TUFT1: variants seen among roughly 807,000 people sequenced by gnomAD.
The protein encoded by TUFT1 is tuftelin.
A neutral mutation model predicts 57.8 loss-of-function variants in TUFT1; 43 were observed. The observed-to-expected ratio is 0.74, with a 90% CI of 0.58 to 0.96. The LOEUF (loss-of-function observed/expected upper bound fraction) is 0.96. TUFT1 is among the 40% of genes least tolerant of loss of function. TUFT1 has a pLI of 0.00. For synonymous variants in TUFT1, 166 were observed against 176.7 expected, an observed-to-expected ratio of 0.94 and a Z score of 0.48; for missense variants, 459 against 489.0, an observed-to-expected ratio of 0.94 and a Z score of 0.58.
intron 1 of TUFT1, chr1:151,540,638 G>C (rs1370065176): frequency 3.5e-5 from 21 of 593,744 alleles, no homozygotes; most frequent in Non-Finnish European, 6.2e-5. Flanking sequence ...AGGGTTCGGG[G>C]CGTCCCTGCC....
At chr1:151,552,520 A>G (rs1324392852) in intron 1 of TUFT1, among the ~76,000 whole-genome samples, 1 of 152,072 alleles carries the variant, frequency 6.6e-6, no homozygotes, top group African/African-American at 2.4e-5. Context: ...CCTGCCCAAC[A>G]TGGTGAAACC....
At position 151,564,510 on chromosome 1, in the gene TUFT1, C is replaced by A; in HGVS notation, c.325-15C>A. The A allele has an allele frequency of 6.2e-7, 1 of 1,606,484 alleles. No individual in the cohort carries two copies. The highest frequency in any genetic ancestry group is 8.5e-7 in the Non-Finnish European group (1 of 1,173,560). ...CTCTACCCTAAAGCTCAAGTTTCTT[C>A]CCCTCCCCTCCCAGGCCAGGAACTG... On this transcript the variant is annotated splice_polypyrimidine_tract_variant and intron_variant, in intron 4 of 12. Coordinates refer to ENST00000368849, the MANE Select transcript of TUFT1 (RefSeq NM_020127.3).
chr1:151,548,163 G>A (rs1489311497), intron 1 of TUFT1, among the ~76,000 whole-genome samples: 3 of 152,218 alleles, frequency 2.0e-5, no homozygotes, highest in African/African-American at 4.8e-5. Flanking sequence ...CCTCACTCAA[G>A]GAGAGGGTAG....
chr1:151,562,223 TGGCCTCTTACCCAA>T, intron 2 of TUFT1, 58 bp downstream of exon 2: 2 of 1,498,782 alleles, frequency 1.3e-6, no homozygotes, highest in East Asian at 4.5e-5. Flanking sequence ...TCCTTGCTGC[TGGCCTCTTACCCAA>T]GTACTGCCTG....
chr1:151,560,054 C>T (rs1382023305), intron 1 of TUFT1, among the ~76,000 whole-genome samples: 3 of 151,234 alleles, frequency 2.0e-5, no homozygotes, highest in East Asian at 2.0e-4. Context: ...CCTCGGCCTC[C>T]CAAAGTGCTG....
Position 151,540,427 on chromosome 1 carries a change from G to A in TUFT1, c.60+1G>A, listed in dbSNP as rs932956802. ...CGTGCACCCAGAGGACCAGGCGGCG[G>A]TAAGAAAAAGCGCTCTCGCTGTCTT... On this transcript the variant is annotated splice_donor_variant, in intron 1 of 12. Transcript: ENST00000368849. LOFTEE classifies it high-confidence loss of function. 2.5e-5 allele frequency: 41 copies of A among 1,613,982 alleles called. No homozygotes were observed. Among genetic ancestry groups the A allele is most frequent in the Non-Finnish European group, 3.2e-5 (38 of 1,179,970 alleles).
chr1:151,552,029 G>A (rs1033584918), intron 1 of TUFT1, among the ~76,000 whole-genome samples: 2 of 151,956 alleles, frequency 1.3e-5, no homozygotes, highest in South Asian at 4.2e-4. Context: ...CCACCTCAAG[G>A]GTAACCACTA....
At chr1:151,576,041 G>A (rs925952847) in intron 9 of TUFT1, among the ~76,000 whole-genome samples, 3 of 152,206 alleles carry the variant, frequency 2.0e-5, no homozygotes, top group African/African-American at 7.2e-5. Flanking sequence ...ATAATCGGAA[G>A]CCAGGGTTTG....
At chr1:151,552,658 C>T (rs34589182) in intron 1 of TUFT1, among the ~76,000 whole-genome samples, 80,340 of 140,736 alleles carry the variant, frequency 0.57, 23,408 homozygotes, top group East Asian at 0.9. Flanking sequence ...GAGCCGAGAT[C>T]GTGCCACTGC....
intron 5 of TUFT1, 151 bp from the exon 6 acceptor site, chr1:151,566,012 C>T: frequency 2.6e-5 from 7 of 265,442 alleles, no homozygotes; most frequent in South Asian, 2.2e-4. Context: ...TTCTCCCTCC[C>T]TTTCTTTTTC....
At chr1:151,570,590 A>G (rs1666225317) in intron 7 of TUFT1, among the ~76,000 whole-genome samples, 1 of 151,988 alleles carries the variant, frequency 6.6e-6, no homozygotes, top group South Asian at 2.1e-4. Context: ...TGGAATGAGT[A>G]TATTAATTAT....
intron 1 of TUFT1, among the ~76,000 whole-genome samples, chr1:151,558,799 T>G (rs1045064903): frequency 1.2e-3 from 183 of 151,914 alleles, no homozygotes; most frequent in African/African-American, 4.2e-3. Flanking sequence ...TTTTTTTTCT[T>G]TTTGAGACGG....
At chr1:151,561,440 G>A (rs1283274807) in intron 1 of TUFT1, 1 of 578,762 alleles carries the variant, frequency 1.7e-6, no homozygotes, top group Non-Finnish European at 2.2e-6. Flanking sequence ...CTTAAGCCTG[G>A]GAGGTTGAGG....
Position 151,563,909 on chromosome 1 carries a change from C to T in TUFT1, c.243C>T (p.Tyr81=). The T allele has an allele frequency of 6.2e-7, 1 of 1,613,872 alleles. No homozygotes were observed. Among genetic ancestry groups the T allele is most frequent in the Non-Finnish European group, 8.5e-7 (1 of 1,179,870 alleles). ...AAATGGTGTTCTTATTTCAGGTGTA[C>T]TTGAAGGGGAGGTCTGGAGACAAGA... ...HDGHEEIIKV[Y]LKGRSGDKMI... is the part of the protein sequence containing the mutation. The change falls in exon 4 of 13, where the codon TAC becomes TAT. Residue 81 remains tyrosine (Y), a synonymous_variant. Transcript: ENST00000368849.
At position 151,580,926 on chromosome 1, in the gene TUFT1, T is replaced by C; in HGVS notation, c.1009-16T>C. On this transcript the variant is annotated splice_polypyrimidine_tract_variant and intron_variant, in intron 11 of 12. Transcript: ENST00000368849. ...CCAGAAAAAGGCCAACTCTAACCCC[T>C]AAGCTTGTGTTACAGAATTTAGAGA... 6.2e-7 allele frequency: 1 copy of C among 1,613,360 alleles called. No individual in the cohort carries two copies. Among genetic ancestry groups the C allele is most frequent in the Non-Finnish European group, 8.5e-7 (1 of 1,179,348 alleles).
intron 9 of TUFT1, among the ~76,000 whole-genome samples, chr1:151,576,917 G>A (rs982016205): frequency 1.3e-5 from 2 of 152,114 alleles, no homozygotes; most frequent in African/African-American, 4.8e-5. Context: ...GAGCCACCGC[G>A]CCTGGACTAC....
intron 4 of TUFT1, 66 bp from the exon 5 acceptor site, chr1:151,564,459 G>C (rs1665998559): frequency 8.2e-7 from 1 of 1,216,166 alleles, no homozygotes; most frequent in African/African-American, 1.5e-5. Flanking sequence ...GGGGCACAGA[G>C]TTGGGTGAGT....
intron 1 of TUFT1, among the ~76,000 whole-genome samples, chr1:151,547,859 G>T (rs183433463): frequency 6.6e-6 from 1 of 152,300 alleles, no homozygotes; most frequent in East Asian, 1.9e-4. Context: ...GTTTTCCTTT[G>T]TTAGGGCTCC....
chr1:151,557,806 CG>C, intron 1 of TUFT1: 2 of 756,558 alleles, frequency 2.6e-6, no homozygotes, highest in Non-Finnish European at 4.9e-6. Flanking sequence ...AGAGGGAAAG[CG>C]GACAGAGATA....
Sources: gnomAD v4.1 joint callset for allele counts (sites outside exome capture counted in the v4.1 genomes callset) on GRCh38, gnomAD v4.1.1 for gene constraint, MANE v1.5 for transcripts, NCBI Gene and HGNC (gene_info 2026-07-23, HGNC 2026-07-21) for gene names.